MAP2K2: variants seen among roughly 807,000 people sequenced by gnomAD.
The protein encoded by MAP2K2 is mitogen-activated protein kinase kinase 2, also known as dual specificity mitogen-activated protein kinase kinase 2.
A neutral mutation model predicts 43.7 loss-of-function variants in MAP2K2; 24 were observed. The ratio of observed to expected loss-of-function variants is 0.55; its 90% CI spans 0.40 to 0.77. The LOEUF (loss-of-function observed/expected upper bound fraction) is 0.77, where lower values mean the gene tolerates loss of function less well. Ranked by LOEUF, MAP2K2 falls within the 30% of genes least tolerant of loss-of-function variation. The pLI, the probability that MAP2K2 is intolerant of heterozygous loss-of-function variation, is 0.00. For missense variants in MAP2K2, 470 were observed against 566.8 expected (o/e 0.83, Z 1.73); for synonymous variants, 244 against 239.7 (o/e 1.02, Z -0.17).
At position 4,094,568 on chromosome 19, in the gene MAP2K2, C is replaced by T. The variant is rs1014073953; in HGVS notation, c.1047-70G>A. ...AGACAGGGCAGTCAGCTGGTGGCCCCGGGGCACCCGCGTGTGGGCCGTGGT... is the reference window on the plus strand; with the variant it reads ...AGACAGGGCAGTCAGCTGGTGGCCCTGGGGCACCCGCGTGTGGGCCGTGGT... On this transcript the variant is annotated intron_variant, in intron 9 of 10. Coordinates refer to ENST00000262948, the MANE Select transcript of MAP2K2 (RefSeq NM_030662.4). 1.8e-5 allele frequency: 26 copies of T among 1,471,112 alleles called. No individual in the cohort carries two copies. The Middle Eastern group carries it at 5.2e-4, about 30-fold the overall frequency. The allele number at this position is 1,471,112 out of a possible 1,614,324, so 91.1% of individuals were successfully genotyped here. A position where few individuals can be genotyped will look rare whatever the true frequency, so the allele number is the denominator to read the frequency against.
At chr19:4,092,168 G>A (rs1480295349) in intron 10 of MAP2K2, among the ~76,000 whole-genome samples, 5 of 152,240 alleles carry the variant, frequency 3.3e-5, no homozygotes, top group Admixed American at 6.5e-5. Flanking sequence ...CTCTTTTGCA[G>A]CTGGAGGCAG....
chr19:4,123,827 T>C lies in MAP2K2; in HGVS notation c.49A>G (p.Thr17Ala), dbSNP rs397517415. Reference protein sequence around the residue: ...PVLPALTINPTIAEGPSPTSE... With the variant: ...PVLPALTINPAIAEGPSPTSE... ...GTAGGGGATGGGCCCTCGGCGATGG[T>C]AGGGTTGATGGTGAGCGCCGGCAGC... Residue 17 changes from threonine to alanine, a missense_variant, in exon 1 of 11, where the codon ACC (threonine) becomes GCC (alanine). Physicochemically the swap from Thr to Ala is moderately conservative, Grantham distance 58. Transcript: ENST00000262948. The C allele has an allele frequency of 3.2e-6, 5 of 1,563,756 alleles. No homozygotes were observed. Among genetic ancestry groups the C allele is most frequent in the African/African-American group, 1.4e-5 (1 of 71,956 alleles).
At chr19:4,110,733 A>G (rs2041144332) in intron 2 of MAP2K2, 78 bp from the exon 3 acceptor site, 1 of 1,519,192 alleles carries the variant, frequency 6.6e-7, no homozygotes, top group Non-Finnish European at 8.9e-7. Context: ...TCTGCTCTGC[A>G]GGCGTTCCCA....
In MAP2K2 at chr19:4,107,917, CA is replaced by C. The variant is rs764419839; in HGVS notation, c.450+2591del. Among the ~76,000 whole-genome samples the C allele has an allele frequency of 4.6e-5, 7 of 152,320 alleles. No homozygotes were observed. The East Asian group carries it at 9.6e-4, about 21-fold the overall frequency. ...TCCCTCAGCTTCACAGCAGAAGCGG[CA>C]AGAGTCCTGTCCCGAACCCGTGGTA... On this transcript the variant is annotated intron_variant, in intron 3 of 10. Transcript: ENST00000262948.
chr19:4,095,449 G>A lies in MAP2K2; in HGVS notation c.985C>T (p.Pro329Ser), dbSNP rs727504353. 1.9e-5 allele frequency: 30 copies of A among 1,551,244 alleles called. No individual in the cohort carries two copies. Among genetic ancestry groups the A allele is most frequent in the Non-Finnish European group, 2.3e-5 (26 of 1,146,782 alleles). ...FELLDYIVNE[P>S]PPKLPNGVFT... ...ACACCGTTGGGCAGCTTAGGAGGTG[G>A]CTGTGGAGGAGAACAGAGGGTGGGG... The change falls in exon 9 of 11, where the codon CCA becomes TCA. Residue 329 changes from proline to serine, a missense_variant and splice_region_variant. Physicochemically the swap from Pro to Ser is moderately conservative, Grantham distance 74 (BLOSUM62 -1). Around this residue, in one of 3 missense-constraint regions of MAP2K2, gnomAD observed 212 missense variants for 220.8 expected, o/e 0.96. Coordinates refer to ENST00000262948, the MANE Select transcript of MAP2K2 (RefSeq NM_030662.4).
At chr19:4,116,157 T>G (rs2041218572) in intron 2 of MAP2K2, among the ~76,000 whole-genome samples, 1 of 152,158 alleles carries the variant, frequency 6.6e-6, no homozygotes, top group South Asian at 2.1e-4. Context: ...GTGATTAACC[T>G]TTAAATTGGC....
At chr19:4,099,047 A>T in intron 7 of MAP2K2, 154 bp downstream of exon 7, 2 of 669,466 alleles carry the variant, frequency 3.0e-6, no homozygotes, top group African/African-American at 1.8e-5. Flanking sequence ...CGGAAACCCC[A>T]GGACCATGGG....
At chr19:4,102,730 C>T (rs370264591) in intron 3 of MAP2K2, 17 of 1,290,776 alleles carry the variant, frequency 1.3e-5, no homozygotes, top group South Asian at 3.0e-5. Context: ...CTCCTGAGGT[C>T]GCCACGGCAG....
At chr19:4,122,273 T>C (rs1321437715) in intron 1 of MAP2K2, among the ~76,000 whole-genome samples, 24 of 14,626 alleles carry the variant, frequency 1.6e-3, no homozygotes, top group Admixed American at 0.013. Flanking sequence ...CTCTCCCCCA[T>C]AGGGACCCTC....
chr19:4,118,016 C>A lies in MAP2K2; in HGVS notation c.93-387G>T, dbSNP rs1045166220. On this transcript the variant is annotated intron_variant, in intron 1 of 10. Transcript: ENST00000262948. ...GCAGTGGCGCGATCTCGGCTCCCTG[C>A]AACCTTGGCCTCCCGGGTTCAAGAG... Among the ~76,000 whole-genome samples, 25 of 152,120 alleles carry A rather than the reference C, an allele frequency of 1.6e-4. 1 individual carries two copies. Among genetic ancestry groups the A allele is most frequent in the Admixed American group, 3.3e-4 (5 of 15,266 alleles).
chr19:4,113,845 G>A (rs993269044), intron 2 of MAP2K2, among the ~76,000 whole-genome samples: 3 of 152,124 alleles, frequency 2.0e-5, no homozygotes, highest in Non-Finnish European at 2.9e-5. Flanking sequence ...GAGGAGGACC[G>A]AGCCGCCCCC....
chr19:4,113,850 GC>G (rs2041186488), intron 2 of MAP2K2, among the ~76,000 whole-genome samples: 1 of 152,052 alleles, frequency 6.6e-6, no homozygotes. Flanking sequence ...GGACCGAGCC[GC>G]CCCCCGGCCG....
chr19:4,102,879 C>T (rs1008497131), intron 3 of MAP2K2: 14 of 1,169,102 alleles, frequency 1.2e-5, no homozygotes, highest in Admixed American at 1.1e-4. Context: ...CTTGGGCCTG[C>T]GTCCTCTTCC....
intron 2 of MAP2K2, 69 bp downstream of exon 2, chr19:4,117,350 A>T: frequency 6.7e-7 from 1 of 1,484,878 alleles, no homozygotes. Context: ...CTGCCTTCCC[A>T]ACCTGCCTCC....
chr19:4,104,972 A>G (rs554549977), intron 3 of MAP2K2, among the ~76,000 whole-genome samples: 1 of 152,304 alleles, frequency 6.6e-6, no homozygotes, highest in East Asian at 1.9e-4. Context: ...AGACAGTGCC[A>G]GGTGTCTCCT....
In MAP2K2 at chr19:4,110,487, C is replaced by T. The variant is rs767239143; in HGVS notation, c.450+22G>A. ...CTGTTCCGTGGAGGCCCTGCCCCTGCCCCTGCCCCGGACGCACTCACCATG... is the reference window on the plus strand; with the variant it reads ...CTGTTCCGTGGAGGCCCTGCCCCTGTCCCTGCCCCGGACGCACTCACCATG... On this transcript the variant is annotated intron_variant, in intron 3 of 10. Transcript: ENST00000262948. 1.9e-5 allele frequency: 30 copies of T among 1,611,730 alleles called. No individual in the cohort carries two copies. In the Admixed American group the frequency reaches 4.5e-4, roughly 24 times the overall value.
chr19:4,095,076 C>T lies in MAP2K2; in HGVS notation c.1046+312G>A, dbSNP rs1298609421. On this transcript the variant is annotated intron_variant, in intron 9 of 10. Coordinates refer to ENST00000262948, the MANE Select transcript of MAP2K2 (RefSeq NM_030662.4). ...GGGCGGATCCCGGGGAGCCCACAGTCAGCACACCAGGGGTCCGGGGACCAG... is the reference window on the plus strand; with the variant it reads ...GGGCGGATCCCGGGGAGCCCACAGTTAGCACACCAGGGGTCCGGGGACCAG... The T allele has an allele frequency of 2.3e-5, 9 of 384,414 alleles. No homozygotes were observed. In the East Asian group the frequency reaches 3.1e-4, roughly 13 times the overall value. The allele number at this position is 384,414 out of a possible 1,614,324, so 23.8% of individuals were successfully genotyped here.
At chr19:4,096,097 C>T (rs1879226472) in intron 8 of MAP2K2, among the ~76,000 whole-genome samples, 1 of 152,234 alleles carries the variant, frequency 6.6e-6, no homozygotes, top group African/African-American at 2.4e-5. Context: ...CAGTTTTAAG[C>T]CCAAGCACTG....
intron 10 of MAP2K2, among the ~76,000 whole-genome samples, chr19:4,091,650 G>A (rs529138145): frequency 7.4e-4 from 111 of 150,018 alleles, no homozygotes; most frequent in Non-Finnish European, 1.3e-3. Context: ...ACCGCAACTG[G>A]CCTTAATTTT....
Sources: allele counts gnomAD v4.1 joint callset (sites outside exome capture counted in the v4.1 genomes callset), GRCh38; gene constraint gnomAD v4.1.1; regional missense constraint gnomAD v4.1.1; transcripts MANE v1.5; gene names NCBI Gene and HGNC (gene_info 2026-07-23, HGNC 2026-07-21).